The following PGS1 variants were observed in gnomAD, a reference collection of about 807,000 sequenced individuals.
PGS1 encodes phosphatidylglycerophosphate synthase 1.
In PGS1, 44 loss-of-function variants were observed where a neutral mutation model predicts 58.3. The ratio of observed to expected loss-of-function variants is 0.75; its 90% CI spans 0.59 to 0.97. PGS1 has a LOEUF of 0.97. PGS1 is among the 50% of genes least tolerant of loss of function. PGS1 has a pLI of 0.00. For missense variants in PGS1, 684 were observed against 731.1 expected, an observed-to-expected ratio of 0.94 and a Z score of 0.74; for synonymous variants, 330 against 311.0, an observed-to-expected ratio of 1.06 and a Z score of -0.64.
intron 1 of PGS1, among the ~76,000 whole-genome samples, chr17:78,382,312 G>T (rs1168505392): frequency 6.6e-6 from 1 of 152,144 alleles, no homozygotes; most frequent in African/African-American, 2.4e-5. Flanking sequence ...GAGATTCCAT[G>T]TATGATTTCT....
chr17:78,399,189 T>A, intron 4 of PGS1, 159 bp from the exon 5 acceptor site: 1 of 617,800 alleles, frequency 1.6e-6, no homozygotes, highest in Non-Finnish European at 2.9e-6. Flanking sequence ...AGGACAGAGG[T>A]TGGCCTGGAA....
At chr17:78,385,773 T>C (rs2082341373) in intron 1 of PGS1, among the ~76,000 whole-genome samples, 1 of 152,226 alleles carries the variant, frequency 6.6e-6, no homozygotes, top group African/African-American at 2.4e-5. Flanking sequence ...AGCTGCTTCC[T>C]GCTCTCACTG....
chr17:78,423,742 A>T (rs1033553098), intron 9 of PGS1: 2 of 914,156 alleles, frequency 2.2e-6, no homozygotes, highest in Non-Finnish European at 3.3e-6. Context: ...TTCCACACCA[A>T]CCTCCACCCT....
chr17:78,399,382 C>G lies in PGS1; in HGVS notation c.546C>G (p.Leu182=). The G allele has an allele frequency of 6.2e-7, 1 of 1,614,140 alleles. No homozygotes were observed. Among genetic ancestry groups the G allele is most frequent in the South Asian group, 1.1e-5 (1 of 91,084 alleles). Residue 182 remains leucine, a synonymous_variant, in exon 5 of 10, where the codon CTC becomes CTG. Coordinates refer to ENST00000262764, the MANE Select transcript of PGS1 (RefSeq NM_024419.5). ...RKNSRTMLLP[L]LRRFPEQVRV... Reference sequence around the variant, plus strand: ...ACTCCCGCACAATGCTGCTCCCACTCCTGCGGAGGTTCCCAGAGCAGGTCC... The same window carrying G: ...ACTCCCGCACAATGCTGCTCCCACTGCTGCGGAGGTTCCCAGAGCAGGTCC...
chr17:78,406,578 G>T (rs1388319675), intron 7 of PGS1, among the ~76,000 whole-genome samples: 2 of 152,258 alleles, frequency 1.3e-5, no homozygotes, highest in Non-Finnish European at 2.9e-5. Context: ...TGTCCTGCAG[G>T]ACCCATCCTG....
chr17:78,405,782 C>G (rs1044451180), intron 7 of PGS1, among the ~76,000 whole-genome samples: 2 of 152,178 alleles, frequency 1.3e-5, no homozygotes, highest in African/African-American at 4.8e-5. Context: ...CACGGCTTTT[C>G]TGGCTTCTCC....
chr17:78,416,137 C>T (rs1261934434), intron 8 of PGS1, among the ~76,000 whole-genome samples: 1 of 152,128 alleles, frequency 6.6e-6, no homozygotes, highest in Non-Finnish European at 1.5e-5. Flanking sequence ...GCTTCACGAC[C>T]ACGACAGGCG....
In PGS1 at chr17:78,399,568, C is replaced by T. The variant is rs575735716; in HGVS notation, c.701+31C>T. The T allele has an allele frequency of 1.6e-5, 25 of 1,608,656 alleles. No homozygotes were observed. The East Asian group carries it at 5.6e-4, about 36-fold the overall frequency. ...TGCTTCCCACCGTCAGTGCTTTTGC[C>T]CTCCTGCTCTGCAGGCTGGAGGGCA... On this transcript the variant is annotated intron_variant, in intron 5 of 9. Coordinates refer to ENST00000262764, the MANE Select transcript of PGS1 (RefSeq NM_024419.5).
intron 7 of PGS1, among the ~76,000 whole-genome samples, chr17:78,408,809 C>T (rs1323549037): frequency 1.3e-5 from 2 of 152,138 alleles, no homozygotes; most frequent in East Asian, 1.9e-4. Context: ...GTTGCCTGGC[C>T]CTCGCTCCTC....
chr17:78,378,894 G>A, intron 1 of PGS1, 86 bp downstream of exon 1: 1 of 1,307,224 alleles, frequency 7.6e-7, no homozygotes, highest in Non-Finnish European at 9.8e-7. Context: ...CCAGCGTCCT[G>A]GGCATCCGCA....
chr17:78,381,214 C>CT (rs991339683), intron 1 of PGS1, among the ~76,000 whole-genome samples: 6 of 151,926 alleles, frequency 3.9e-5, no homozygotes, highest in South Asian at 2.1e-4. Context: ...TTTCTAATCT[C>CT]TTTTTTTTGT....
chr17:78,398,792 G>C (rs1003428726), intron 4 of PGS1, among the ~76,000 whole-genome samples: 3 of 152,210 alleles, frequency 2.0e-5, no homozygotes, highest in African/African-American at 4.8e-5. Flanking sequence ...GTTTCCTTTG[G>C]GCTGGCTTCC....
intron 4 of PGS1, among the ~76,000 whole-genome samples, chr17:78,398,625 C>T (rs1313223088): frequency 6.6e-6 from 1 of 152,194 alleles, no homozygotes; most frequent in Non-Finnish European, 1.5e-5. Flanking sequence ...ATTGCTTGAG[C>T]CAGGAGTTTG....
At chr17:78,388,824 G>A (rs1054977623) in intron 1 of PGS1, among the ~76,000 whole-genome samples, 9 of 148,680 alleles carry the variant, frequency 6.1e-5, no homozygotes, top group African/African-American at 1.8e-4. Flanking sequence ...GCACTATTTG[G>A]ACATTGATTT....
chr17:78,406,305 G>A (rs1394909138), intron 7 of PGS1, among the ~76,000 whole-genome samples: 10 of 152,006 alleles, frequency 6.6e-5, no homozygotes, highest in African/African-American at 9.7e-5. Context: ...GCAACAGAGC[G>A]AGACTCTGTC....
At chr17:78,422,146 T>G (rs2085861586) in intron 9 of PGS1, among the ~76,000 whole-genome samples, 2 of 152,150 alleles carry the variant, frequency 1.3e-5, no homozygotes, top group African/African-American at 4.8e-5. Context: ...GGGACTGAAG[T>G]GAGTTGCCCG....
At chr17:78,423,295 G>C (rs1373062071) in intron 9 of PGS1, among the ~76,000 whole-genome samples, 1 of 152,140 alleles carries the variant, frequency 6.6e-6, no homozygotes, top group Non-Finnish European at 1.5e-5. Flanking sequence ...GAGTCCTACA[G>C]GTCCGGGGCT....
intron 9 of PGS1, 122 bp downstream of exon 9, chr17:78,419,797 C>T: frequency 1.3e-6 from 2 of 1,520,162 alleles, no homozygotes; most frequent in African/African-American, 1.4e-5. Flanking sequence ...CAGTTAAACA[C>T]AGAGCAGCAT....
At chr17:78,420,317 AC>A in intron 9 of PGS1, 5 of 717,670 alleles carry the variant, frequency 7.0e-6, no homozygotes, top group Non-Finnish European at 8.6e-6. Flanking sequence ...TCCCACAGTC[AC>A]CTGAGGTACC....
Sources: allele counts gnomAD v4.1 joint callset (sites outside exome capture counted in the v4.1 genomes callset), GRCh38; gene constraint gnomAD v4.1.1; transcripts MANE v1.5; gene names NCBI Gene and HGNC (gene_info 2026-07-23, HGNC 2026-07-21).